The following SLC35F4 variants were observed in gnomAD, a reference collection of about 807,000 sequenced individuals.
SLC35F4 encodes the protein solute carrier family 35 member F4, also known as chromosome 14 open reading frame 36.
SLC35F4 carries 24 observed loss-of-function variants against 44.2 expected under a neutral mutation model. The ratio of observed to expected loss-of-function variants is 0.54; its 90% confidence interval spans 0.39 to 0.76. The LOEUF is 0.76. Among genes scored for constraint, SLC35F4 ranks in the 30% least tolerant of loss-of-function variants. The probability of loss-of-function intolerance (pLI) is 0.00; values close to 1 mark genes in which losing one functional copy is unlikely to be tolerated. For synonymous variants in SLC35F4, 238 were observed against 223.6 expected (o/e 1.06, Z -0.57); for missense variants, 562 against 586.1 (o/e 0.96, Z 0.42).
At chr14:57,579,246 G>A (rs181903268) in intron 4 of SLC35F4, among the ~76,000 whole-genome samples, 238 of 152,278 alleles carry the variant, frequency 1.6e-3, no homozygotes, top group Non-Finnish European at 1.5e-3. Context: ...CAGATTTGGG[G>A]GATTAAGATG....
At chr14:57,793,693 C>T (rs1434488944) in intron 1 of SLC35F4, among the ~76,000 whole-genome samples, 2 of 151,918 alleles carry the variant, frequency 1.3e-5, no homozygotes, top group Non-Finnish European at 2.9e-5. Context: ...CATATGTGTC[C>T]AGGTGTCTTT....
At position 57,920,177 on chromosome 14, in the gene SLC35F4, T is replaced by C. The variant is rs75928612; in HGVS notation, n.282+61736A>G. ...AATTTATTTAACCATGCTAGTTCAATTGAATTACAGTGCTGCCAGTGGGTT... is the reference window on the plus strand; with the variant it reads ...AATTTATTTAACCATGCTAGTTCAACTGAATTACAGTGCTGCCAGTGGGTT... On this transcript the variant is annotated intron_variant and non_coding_transcript_variant, in intron 1 of 1. Coordinates refer to the SLC35F4 transcript ENST00000556568. Among the ~76,000 whole-genome samples, 519 of 152,352 alleles carry C rather than the reference T, an allele frequency of 3.4e-3. 3 individuals are homozygous for C. Among genetic ancestry groups the C allele is most frequent in the African/African-American group, 0.011 (473 of 41,580 alleles).
At chr14:57,758,117 C>G (rs888959577) in intron 1 of SLC35F4, among the ~76,000 whole-genome samples, 3 of 151,818 alleles carry the variant, frequency 2.0e-5, no homozygotes, top group African/African-American at 7.3e-5. Flanking sequence ...TCTGCAGACA[C>G]TCTTATTTTT....
intron 1 of SLC35F4, among the ~76,000 whole-genome samples, chr14:57,628,551 G>A (rs906641106): frequency 6.8e-6 from 1 of 146,108 alleles, no homozygotes; most frequent in African/African-American, 2.6e-5. Flanking sequence ...TGAGGTGTTT[G>A]GTTTTCTGTT....
chr14:57,898,472 T>C (rs139892456), intron 1 of SLC35F4, among the ~76,000 whole-genome samples: 110 of 152,324 alleles, frequency 7.2e-4, no homozygotes, highest in African/African-American at 2.5e-3. Flanking sequence ...GGAGGGTATG[T>C]GGGTGCTTTG....
chr14:57,581,480 C>T (rs753936251), intron 3 of SLC35F4, 47 bp from the exon 4 acceptor site: 11 of 1,519,072 alleles, frequency 7.2e-6, no homozygotes, highest in South Asian at 1.2e-5. Flanking sequence ...ATGGTGACAC[C>T]TCTTGTCTTA....
chr14:57,686,341 T>C (rs10142786), intron 1 of SLC35F4, among the ~76,000 whole-genome samples: 20,601 of 152,214 alleles, frequency 0.14, 1,679 homozygotes, highest in African/African-American at 0.22. Context: ...AAGCTGTCCC[T>C]AGAGCCTCTC....
At chr14:57,873,392 T>C (rs1365618177) in intron 1 of SLC35F4, among the ~76,000 whole-genome samples, 1 of 152,178 alleles carries the variant, frequency 6.6e-6, no homozygotes, top group Non-Finnish European at 1.5e-5. Flanking sequence ...CTGGTAATAA[T>C]AAAATAATGT....
At chr14:57,626,548 A>G (rs1473852749) in intron 1 of SLC35F4, among the ~76,000 whole-genome samples, 1 of 152,140 alleles carries the variant, frequency 6.6e-6, no homozygotes, top group African/African-American at 2.4e-5. Context: ...AATTATGTGT[A>G]TGTGCATATT....
intron 1 of SLC35F4, among the ~76,000 whole-genome samples, chr14:57,606,869 A>C (rs1468056553): frequency 6.6e-6 from 1 of 152,232 alleles, no homozygotes; most frequent in Non-Finnish European, 1.5e-5. Flanking sequence ...TTTAGAATAA[A>C]TCAAGAAACC....
chr14:57,865,969 C>T lies in SLC35F4; in HGVS notation c.-144G>A, dbSNP rs1888132912. ...CGGGCTCTGACTCCACCGCCCGGCG[C>T]AGCACCGGCTCCGCATCACAGCGGC... On this transcript the variant is annotated 5_prime_UTR_variant, in exon 1 of 8. Coordinates refer to ENST00000556826, the MANE Select transcript of SLC35F4 (RefSeq NM_001306087.2). 2 of 458,316 alleles carry T rather than the reference C, an allele frequency of 4.4e-6. No individual in the cohort carries two copies. The highest frequency in any genetic ancestry group is 7.3e-6 in the Non-Finnish European group (2 of 273,924). 28.4% of individuals were successfully genotyped at this position (458,316 alleles called of 1,614,324 possible).
intron 1 of SLC35F4, among the ~76,000 whole-genome samples, chr14:57,644,989 G>T (rs189602160): frequency 0.011 from 1,629 of 152,164 alleles, 39 homozygotes; most frequent in African/African-American, 0.036. Context: ...TATCTCTGTT[G>T]TGGTACAAGT....
intron 1 of SLC35F4, among the ~76,000 whole-genome samples, chr14:57,695,889 G>C (rs1215241735): frequency 2.0e-5 from 3 of 152,076 alleles, no homozygotes; most frequent in Non-Finnish European, 4.4e-5. Context: ...GATGAAACTG[G>C]AGACTTTTAT....
At chr14:57,918,896 T>C (rs1224221484) in intron 1 of SLC35F4, among the ~76,000 whole-genome samples, 2 of 152,190 alleles carry the variant, frequency 1.3e-5, no homozygotes, top group Admixed American at 6.5e-5. Flanking sequence ...CCACTTAAGA[T>C]AGCATAGTGT....
Position 57,564,604 on chromosome 14 carries a change from T to G in SLC35F4, c.1217-228A>C, listed in dbSNP as rs182990794. On this transcript the variant is annotated intron_variant, in intron 7 of 7. Transcript: ENST00000556826. ...TTCCATGTAATCTGACTTAGTTATC[T>G]CCCCAGTTTTCTCTCAGTACTTTTC... is the stretch of plus-strand genomic sequence containing the variant. Among the ~76,000 whole-genome samples, 4 of 152,328 alleles carry G rather than the reference T, an allele frequency of 2.6e-5. No homozygotes were observed. The East Asian group carries it at 7.7e-4, about 29-fold the overall frequency.
chr14:57,671,690 C>G (rs59285676), intron 1 of SLC35F4, among the ~76,000 whole-genome samples: 3,899 of 151,990 alleles, frequency 0.026, 181 homozygotes, highest in African/African-American at 0.088. Flanking sequence ...ACTCCTTCTG[C>G]TTGAAAAAAG....
chr14:57,858,442 A>T (rs1245219326), intron 1 of SLC35F4, among the ~76,000 whole-genome samples: 1 of 151,852 alleles, frequency 6.6e-6, no homozygotes, highest in Non-Finnish European at 1.5e-5. Context: ...AAAAAACCAA[A>T]CACTACATGT....
intron 1 of SLC35F4, among the ~76,000 whole-genome samples, chr14:57,979,284 C>A (rs1191082635): frequency 6.6e-6 from 1 of 152,176 alleles, no homozygotes; most frequent in Non-Finnish European, 1.5e-5. Flanking sequence ...GATATTGTAG[C>A]TGGCTGGCAA....
intron 1 of SLC35F4, among the ~76,000 whole-genome samples, chr14:57,601,921 T>C (rs1373633816): frequency 6.6e-6 from 1 of 152,162 alleles, no homozygotes; most frequent in Non-Finnish European, 1.5e-5. Context: ...GCCTAAGTAT[T>C]GATGAAAACT....
Sources: gnomAD v4.1 joint callset for allele counts (sites outside exome capture counted in the v4.1 genomes callset) on GRCh38, gnomAD v4.1.1 for gene constraint, MANE v1.5 for transcripts, NCBI Gene and HGNC (gene_info 2026-07-23, HGNC 2026-07-21) for gene names.